FRYL: variants seen among roughly 807,000 people sequenced by gnomAD.
FRYL encodes the protein protein furry homolog-like.
In FRYL, 150 loss-of-function variants were observed where a neutral mutation model predicts 351.2. That is an observed-to-expected ratio of 0.43 (90% CI 0.37 to 0.49). The LOEUF (loss-of-function observed/expected upper bound fraction) is 0.49, where lower values mean the gene tolerates loss of function less well. Ranked by LOEUF, FRYL falls within the 20% of genes least tolerant of loss-of-function variation. FRYL has a pLI of 0.00. For synonymous variants in FRYL, 1,153 were observed against 1,257.1 expected, an observed-to-expected ratio of 0.92 and a Z score of 1.75; for missense variants, 3,036 against 3,619.3, an observed-to-expected ratio of 0.84 and a Z score of 4.13.
intron 3 of FRYL, among the ~76,000 whole-genome samples, chr4:48,650,053 C>T (rs1032522506): frequency 2.0e-5 from 3 of 151,550 alleles, no homozygotes; most frequent in Non-Finnish European, 4.4e-5. Context: ...TTTTTCATTT[C>T]TTTTTTTATA....
chr4:48,630,365 C>CCT (rs1752704055), intron 4 of FRYL, among the ~76,000 whole-genome samples: 1 of 152,040 alleles, frequency 6.6e-6, no homozygotes, highest in African/African-American at 2.4e-5. Flanking sequence ...CTTTAAGACA[C>CCT]ATACATATAT....
At chr4:48,525,719 T>G (rs1725999585) in intron 53 of FRYL, among the ~76,000 whole-genome samples, 1 of 152,156 alleles carries the variant, frequency 6.6e-6, no homozygotes, top group Non-Finnish European at 1.5e-5. Flanking sequence ...ATGAGCTGTA[T>G]ATGAGTTGTA....
intron 30 of FRYL, 65 bp downstream of exon 30, chr4:48,564,868 T>C (rs987742361): frequency 3.6e-6 from 3 of 837,468 alleles, no homozygotes; most frequent in East Asian, 2.6e-5. Context: ...TAGTGCAACA[T>C]ACATTAACTG....
At chr4:48,670,075 TTTATCC>T (rs1015542317) in intron 3 of FRYL, among the ~76,000 whole-genome samples, 11 of 152,174 alleles carry the variant, frequency 7.2e-5, no homozygotes, top group Non-Finnish European at 1.6e-4. Context: ...ACCTCAAGCA[TTTATCC>T]TTTGCATTCC....
At chr4:48,602,265 A>G in intron 12 of FRYL, 144 bp from the exon 13 acceptor site, 1 of 579,102 alleles carries the variant, frequency 1.7e-6, no homozygotes, top group Non-Finnish European at 3.2e-6. Flanking sequence ...ATATAATCTC[A>G]TAGAATAATC....
chr4:48,618,494 G>A (rs957814067), intron 7 of FRYL: 1 of 150,154 alleles, frequency 6.7e-6, no homozygotes, highest in African/African-American at 2.5e-5. Flanking sequence ...CTGACCTTTA[G>A]GCTTCCTAAC....
chr4:48,690,459 A>G (rs972881554), intron 2 of FRYL, among the ~76,000 whole-genome samples: 2 of 152,140 alleles, frequency 1.3e-5, no homozygotes, highest in African/African-American at 4.8e-5. Flanking sequence ...GACTCCCTTA[A>G]GTTAAAATGC....
At position 48,544,649 on chromosome 4, in the gene FRYL, T is replaced by C. The variant is rs541636706; in HGVS notation, c.5401+134A>G. 6.2e-6 allele frequency: 4 copies of C among 642,528 alleles called. No homozygotes were observed. The Admixed American group carries it at 1.5e-4, about 25-fold the overall frequency. 39.8% of individuals were successfully genotyped at this position (642,528 alleles called of 1,614,324 possible). A position where few individuals can be genotyped will look rare whatever the true frequency, so the allele number is the denominator to read the frequency against. ...TTTTTCTTCAGTGAAAACAGATCTG[T>C]TATCATTAATAAATTAAAAGTCTAA... On this transcript the variant is annotated intron_variant, in intron 43 of 63. Coordinates refer to ENST00000358350, the MANE Select transcript of FRYL (RefSeq NM_015030.2).
chr4:48,539,643 T>C (rs1729686612), intron 47 of FRYL, among the ~76,000 whole-genome samples: 1 of 152,142 alleles, frequency 6.6e-6, no homozygotes, highest in Admixed American at 6.6e-5. Flanking sequence ...TTGTAGCATC[T>C]AACCCAGTGC....
rs1762372952 is a variant in FRYL, at chr4:48,669,913, TA to T, written c.-81+14759del. On this transcript the variant is annotated intron_variant, in intron 3 of 63. Transcript: ENST00000358350. Reference sequence around the variant, plus strand: ...AAGACAGCTTTTAAAATAATTTTTTTACTGTCAATTTTTTTTTTACATTTTT... The same window carrying T: ...AAGACAGCTTTTAAAATAATTTTTTTCTGTCAATTTTTTTTTTACATTTTT... Among the ~76,000 whole-genome samples the T allele has an allele frequency of 2.0e-5, 3 of 151,802 alleles. No individual in the cohort carries two copies. The South Asian group carries it at 6.2e-4, about 31-fold the overall frequency.
intron 12 of FRYL, 120 bp from the exon 13 acceptor site, chr4:48,602,241 A>G: frequency 1.6e-6 from 1 of 608,116 alleles, no homozygotes; most frequent in South Asian, 1.7e-5. Flanking sequence ...CAGTTTTCCA[A>G]TTCGTAATAA....
chr4:48,766,862 G>A (rs913976382), intron 1 of FRYL, among the ~76,000 whole-genome samples: 4 of 151,604 alleles, frequency 2.6e-5, no homozygotes, highest in African/African-American at 9.7e-5. Flanking sequence ...CTTAAATGAT[G>A]TCAAATAAGC....
chr4:48,516,015 C>T (rs962882309), intron 55 of FRYL, among the ~76,000 whole-genome samples: 3 of 152,118 alleles, frequency 2.0e-5, no homozygotes, highest in Non-Finnish European at 4.4e-5. Flanking sequence ...GGCTGCCACA[C>T]AGCAGGAGTA....
rs755945061 is a variant in FRYL at position 48,521,096 on chromosome 4, G to T, written c.7641C>A (p.Thr2547=). The change falls in exon 55 of 64, where the codon ACC becomes ACA. Residue 2547 remains threonine, a synonymous_variant. Coordinates refer to ENST00000358350, the MANE Select transcript of FRYL (RefSeq NM_015030.2). ...TATCTAGAGAAGCCTCCAAAGTTGGGGTCTCATCCCTGATTTGAAGCACTT... is the reference window on the plus strand; with the variant it reads ...TATCTAGAGAAGCCTCCAAAGTTGGTGTCTCATCCCTGATTTGAAGCACTT... ...TEEVLQIRDE[T]PTLEASLDNA... The T allele has an allele frequency of 3.7e-6, 6 of 1,613,574 alleles. No individual in the cohort carries two copies. The highest frequency in any genetic ancestry group is 5.1e-6 in the Non-Finnish European group (6 of 1,179,712).
intron 3 of FRYL, among the ~76,000 whole-genome samples, chr4:48,655,808 TTATA>T (rs896300219): frequency 2.8e-5 from 4 of 144,452 alleles, no homozygotes; most frequent in African/African-American, 1.0e-4. Flanking sequence ...TAATGTAAAA[TTATA>T]TATACAGAAT....
At chr4:48,725,676 A>G (rs1455676266) in intron 1 of FRYL, among the ~76,000 whole-genome samples, 2 of 152,216 alleles carry the variant, frequency 1.3e-5, no homozygotes, top group Non-Finnish European at 2.9e-5. Flanking sequence ...ACTTAGGAGC[A>G]GTCTCAGTTA....
chr4:48,729,764 T>C (rs1196374659), intron 1 of FRYL, among the ~76,000 whole-genome samples: 3 of 151,966 alleles, frequency 2.0e-5, no homozygotes, highest in African/African-American at 7.3e-5. Flanking sequence ...CAAAGGTAGA[T>C]AAAACCACAA....
rs1460403525 is a variant in FRYL, at chr4:48,550,677, T to C, written c.4548A>G (p.Gly1516=). 1.2e-6 allele frequency: 2 copies of C among 1,613,616 alleles called. No homozygotes were observed. Among genetic ancestry groups the C allele is most frequent in the African/African-American group, 2.7e-5 (2 of 74,922 alleles). The change falls in exon 38 of 64, where the codon GGA becomes GGG. Residue 1516 remains glycine (G), a synonymous_variant. Transcript: ENST00000358350. ...GTTGCCGATTCAAATGACTGTTTAG[T>C]CCACTGTAAATGTCCAGGTGCACAT... is the stretch of plus-strand genomic sequence containing the variant. ...ESYVHLDIYS[G]LNSHLNRQHH... is the part of the protein sequence containing the mutation.
intron 2 of FRYL, among the ~76,000 whole-genome samples, chr4:48,703,563 ACT>A (rs1766994135): frequency 6.6e-6 from 1 of 151,988 alleles, no homozygotes; most frequent in Non-Finnish European, 1.5e-5. Flanking sequence ...CCTTTTACAC[ACT>A]GTTTCCTATG....
Sources: gnomAD v4.1 joint callset for allele counts (sites outside exome capture counted in the v4.1 genomes callset) on GRCh38, gnomAD v4.1.1 for gene constraint, MANE v1.5 for transcripts, NCBI Gene and HGNC (gene_info 2026-07-23, HGNC 2026-07-21) for gene names.